Variants in SLC45A1 observed in about 807,000 individuals in gnomAD.
SLC45A1 encodes solute carrier family 45 member 1.
In SLC45A1, 28 loss-of-function variants were observed where a neutral mutation model predicts 57.6. The ratio of observed to expected loss-of-function variants is 0.49; its 90% CI spans 0.36 to 0.67. SLC45A1 has a LOEUF of 0.67. Ranked by LOEUF, SLC45A1 falls within the 30% of genes least tolerant of loss-of-function variation. The pLI, the probability that SLC45A1 is intolerant of heterozygous loss-of-function variation, is 0.00. For synonymous variants in SLC45A1, 459 were observed against 471.5 expected, an observed-to-expected ratio of 0.97 and a Z score of 0.34; for missense variants, 814 against 1,041.5, an observed-to-expected ratio of 0.78 and a Z score of 3.01.
rs760480574 is a variant in SLC45A1 at position 8,339,630 on chromosome 1, G to C, written c.1912G>C (p.Gly638Arg). The change falls in exon 8 of 9, where the codon GGG becomes CGG. Residue 638 changes from glycine (G) to arginine (R), a missense_variant. Transcript: ENST00000471889. ...YVVLSLCITY[G>R]ILFSTLCTLP... is the part of the protein sequence containing the mutation. The stretch of plus-strand genomic sequence containing the variant: ...GGTCCTGTCGCTCTGCATAACCTAC[G>C]GGATTTTATTTTCCACCCTGTGCAC... The C allele has an allele frequency of 6.2e-6, 10 of 1,614,206 alleles. No homozygotes were observed.
chr1:8,335,505 G>A lies in SLC45A1; in HGVS notation c.1512G>A (p.Glu504=), dbSNP rs1443955569. ...SELTGSSERA[E]QPLSVGRLCS... ...TGACGGGCTCCAGCGAGCGCGCGGA[G>A]CAGCCTCTGTCCGTGGGGCGCCTCT... Residue 504 remains glutamate (E), a synonymous_variant, in exon 6 of 9, where the codon GAG becomes GAA. Transcript: ENST00000471889. The surrounding 1 kb of genome is among the most constrained non-coding windows in gnomAD (Gnocchi z 4.1). 1.9e-6 allele frequency: 3 copies of A among 1,604,040 alleles called. No individual in the cohort carries two copies. The highest frequency in any genetic ancestry group is 2.5e-6 in the Non-Finnish European group (3 of 1,179,768).
Position 8,335,724 on chromosome 1 carries a change from A to AGG in SLC45A1, c.1597+136_1597+137dup. 1 of 1,028,016 alleles carries AGG rather than the reference A, an allele frequency of 9.7e-7. No individual in the cohort carries two copies. The highest frequency in any genetic ancestry group is 1.4e-6 in the Non-Finnish European group (1 of 736,372). 63.7% of individuals were successfully genotyped at this position (1,028,016 alleles called of 1,614,324 possible). ...TCACCAGCCCCCAACAACAGCACCAAGGGCAGGCCTGGGGTGTGGTGGCTG... is the reference window on the plus strand; with the variant it reads ...TCACCAGCCCCCAACAACAGCACCAAGGGGGCAGGCCTGGGGTGTGGTGGCTG... On this transcript the variant is annotated intron_variant, in intron 6 of 8. Transcript: ENST00000471889. This position sits in a 1 kb window ranked among gnomAD's most constrained non-coding sequence, Gnocchi z 4.1.
chr1:8,333,414 G>A (rs1242488030), intron 5 of SLC45A1, among the ~76,000 whole-genome samples: 2 of 151,920 alleles, frequency 1.3e-5, no homozygotes, highest in East Asian at 3.9e-4. Flanking sequence ...TGGAATTAGA[G>A]GTGTGAGCCA....
chr1:8,318,371 C>T (rs981264431), intron 1 of SLC45A1, among the ~76,000 whole-genome samples, 185 bp downstream of exon 1: 3 of 152,220 alleles, frequency 2.0e-5, no homozygotes, highest in Middle Eastern at 3.2e-3. Context: ...CTCGCCCCTC[C>T]GAGGGCAGGA....
chr1:8,331,211 A>G (rs564146393), intron 5 of SLC45A1, among the ~76,000 whole-genome samples: 2 of 152,308 alleles, frequency 1.3e-5, no homozygotes, highest in Admixed American at 6.5e-5. Flanking sequence ...CCCCGTCTCT[A>G]CTTTTTAGTA....
In SLC45A1 at chr1:8,325,238, T is replaced by C. The variant is rs748270631; in HGVS notation, c.398-60T>C. The C allele has an allele frequency of 8.5e-5, 92 of 1,082,926 alleles. No homozygotes were observed. The highest frequency in any genetic ancestry group is 1.2e-4 in the Non-Finnish European group (83 of 705,576). The allele number at this position is 1,082,926 out of a possible 1,614,324, so 67.1% of individuals were successfully genotyped here. A position where few individuals can be genotyped will look rare whatever the true frequency, so the allele number is the denominator to read the frequency against. On this transcript the variant is annotated intron_variant, in intron 2 of 8. Transcript: ENST00000471889. The surrounding 1 kb of genome is among the most constrained non-coding windows in gnomAD (Gnocchi z 6.3). ...GGCACTTCAGGAATGTGGAGGCTGATTCGATGTCCCCATGTGCCATGGGGA... is the reference window on the plus strand; with the variant it reads ...GGCACTTCAGGAATGTGGAGGCTGACTCGATGTCCCCATGTGCCATGGGGA...
intron 1 of SLC45A1, among the ~76,000 whole-genome samples, chr1:8,321,676 G>C (rs952007404): frequency 1.3e-5 from 2 of 152,156 alleles, no homozygotes; most frequent in South Asian, 2.1e-4. Context: ...TGTTTGGAAG[G>C]GGGGATAGGT....
At chr1:8,332,843 T>A (rs1185029625) in intron 5 of SLC45A1, among the ~76,000 whole-genome samples, 1 of 152,218 alleles carries the variant, frequency 6.6e-6, no homozygotes, top group Non-Finnish European at 1.5e-5. Flanking sequence ...AGAAAGGTTA[T>A]TCTCTTATTT....
intron 5 of SLC45A1, among the ~76,000 whole-genome samples, chr1:8,333,490 C>T (rs1365846820): frequency 2.0e-5 from 3 of 152,234 alleles, no homozygotes; most frequent in East Asian, 1.9e-4. Context: ...GGCTGGAGTG[C>T]GGTGGTGCAT....
At chr1:8,323,435 G>A (rs537938732) in intron 1 of SLC45A1, among the ~76,000 whole-genome samples, 2 of 149,340 alleles carry the variant, frequency 1.3e-5, no homozygotes, top group South Asian at 4.3e-4. Flanking sequence ...AGGTTGCAAT[G>A]AGCCAAGATC....
intron 8 of SLC45A1, among the ~76,000 whole-genome samples, chr1:8,340,454 A>G (rs886892441): frequency 5.3e-5 from 8 of 152,064 alleles, no homozygotes; most frequent in Admixed American, 3.9e-4. Flanking sequence ...GAGCCACCGC[A>G]CCCAGCCCAA....
chr1:8,321,547 C>T (rs1467131612), intron 1 of SLC45A1, among the ~76,000 whole-genome samples: 3 of 152,204 alleles, frequency 2.0e-5, no homozygotes, highest in Non-Finnish European at 4.4e-5. Context: ...CCCTTTCCTC[C>T]ACCTTTTTAC....
rs1034997830 is a variant in SLC45A1 at position 8,328,285 on chromosome 1, G to T, written c.716-1924G>T. 1 of 152,214 alleles carries T rather than the reference G, an allele frequency of 6.6e-6. No homozygotes were observed. The allele number at this position is 152,214 out of a possible 1,614,324, so 9.4% of individuals were successfully genotyped here. A position where few individuals can be genotyped will look rare whatever the true frequency, so the allele number is the denominator to read the frequency against. On this transcript the variant is annotated intron_variant, in intron 4 of 8. Transcript: ENST00000471889. The surrounding 1 kb of genome is among the most constrained non-coding windows in gnomAD (Gnocchi z 4.6). ...AATGAAGAGGCTGGGTCACCCAGTG[G>T]TTAGGGGCTCGGGCTCTGGGAGCTG...
At chr1:8,337,634 G>A (rs1210474891) in intron 6 of SLC45A1, among the ~76,000 whole-genome samples, 182 bp from the exon 7 acceptor site, 1 of 152,150 alleles carries the variant, frequency 6.6e-6, no homozygotes, top group Non-Finnish European at 1.5e-5. Context: ...TAGCCAGGAT[G>A]GTCTCGATTT....
At chr1:8,340,737 A>G (rs1375405423) in intron 8 of SLC45A1, among the ~76,000 whole-genome samples, 1 of 152,192 alleles carries the variant, frequency 6.6e-6, no homozygotes, top group Admixed American at 6.5e-5. Flanking sequence ...AATACTGGGC[A>G]TGGCTTAATA....
intron 1 of SLC45A1, among the ~76,000 whole-genome samples, chr1:8,320,633 CTCTGTCTGTCTG>C (rs59588975): frequency 6.6e-6 from 1 of 151,558 alleles, no homozygotes; most frequent in Non-Finnish European, 1.5e-5. Context: ...TAGAGGGAGA[CTCTGTCTGTCTG>C]TCTGTCTGTC....
At chr1:8,323,758 G>A (rs1170055267) in intron 1 of SLC45A1, among the ~76,000 whole-genome samples, 5 of 152,220 alleles carry the variant, frequency 3.3e-5, no homozygotes, top group African/African-American at 4.8e-5. Context: ...GGCCTACCGC[G>A]AAGGAGGGAA....
At chr1:8,341,648 C>A (rs1003396422) in intron 8 of SLC45A1, among the ~76,000 whole-genome samples, 2 of 148,550 alleles carry the variant, frequency 1.3e-5, no homozygotes, top group South Asian at 4.3e-4. Flanking sequence ...AAAGGCCAAA[C>A]GCAGTAGCTC....
Position 8,343,955 on chromosome 1 carries a change from A to G in SLC45A1, c.2189A>G (p.Glu730Gly), listed in dbSNP as rs773261933. 6.2e-7 allele frequency: 1 copy of G among 1,613,880 alleles called. No homozygotes were observed. The highest frequency in any genetic ancestry group is 8.5e-7 in the Non-Finnish European group (1 of 1,179,916). ...TACTCCTCCCTGTTTGTCATTTATG[A>G]AATTCCTCCCAGCGACGCTGCAGAC... ...CLYSSLFVIY[E>G]IPPSDAADEE... Residue 730 changes from glutamate to glycine, a missense_variant, in exon 9 of 9, where the codon GAA becomes GGA. Glu to Gly is a moderately conservative substitution (Grantham distance 98, BLOSUM62 -2). Coordinates refer to ENST00000471889, the MANE Select transcript of SLC45A1 (RefSeq NM_001080397.3). The surrounding 1 kb of genome is among the most constrained non-coding windows in gnomAD (Gnocchi z 7.7).
Sources: allele counts gnomAD v4.1 joint callset (sites outside exome capture counted in the v4.1 genomes callset), GRCh38; gene constraint gnomAD v4.1.1; non-coding constraint Gnocchi (gnomAD v3.1); transcripts MANE v1.5; gene names NCBI Gene and HGNC (gene_info 2026-07-23, HGNC 2026-07-21).